SHISA6: variants seen among roughly 807,000 people sequenced by gnomAD.
SHISA6 encodes the protein shisa family member 6.
In SHISA6, 22 loss-of-function variants were observed where a neutral mutation model predicts 47.9. The observed-to-expected ratio is 0.46, with a 90% CI of 0.33 to 0.66. The LOEUF (loss-of-function observed/expected upper bound fraction) is 0.66. SHISA6 is among the 30% of genes least tolerant of loss of function. The probability of loss-of-function intolerance (pLI) is 0.02; values close to 1 mark genes in which losing one functional copy is unlikely to be tolerated. For synonymous variants in SHISA6, 388 were observed against 337.8 expected, an observed-to-expected ratio of 1.15 and a Z score of -1.63; for missense variants, 680 against 764.6, an observed-to-expected ratio of 0.89 and a Z score of 1.30.
intron 2 of SHISA6, among the ~76,000 whole-genome samples, chr17:11,355,818 C>T (rs12325708): frequency 0.035 from 5,359 of 152,208 alleles, 289 homozygotes; most frequent in African/African-American, 0.11. Flanking sequence ...GGGGGAATGC[C>T]GAGAATCATC....
chr17:11,413,014 G>A (rs117584113), intron 3 of SHISA6, among the ~76,000 whole-genome samples: 4 of 152,220 alleles, frequency 2.6e-5, no homozygotes, highest in Non-Finnish European at 4.4e-5. Flanking sequence ...GGGGATTACT[G>A]GGGGAAAGGC....
chr17:11,487,217 A>C (rs1481752671), intron 3 of SHISA6, among the ~76,000 whole-genome samples: 2 of 152,200 alleles, frequency 1.3e-5, no homozygotes, highest in African/African-American at 2.4e-5. Context: ...AGGGGCATCA[A>C]GAGCCATGGC....
chr17:11,411,495 C>A (rs1914117175), intron 3 of SHISA6, among the ~76,000 whole-genome samples: 1 of 152,156 alleles, frequency 6.6e-6, no homozygotes, highest in Non-Finnish European at 1.5e-5. Context: ...CTCCCAGGTT[C>A]AAGCGATTCT....
chr17:11,511,390 C>G (rs1410456546), intron 3 of SHISA6, among the ~76,000 whole-genome samples: 1 of 152,062 alleles, frequency 6.6e-6, no homozygotes, highest in East Asian at 1.9e-4. Flanking sequence ...CACCATGGCA[C>G]ATGTATACCT....
At chr17:11,431,856 G>A (rs1024553627) in intron 3 of SHISA6, among the ~76,000 whole-genome samples, 2 of 152,144 alleles carry the variant, frequency 1.3e-5, no homozygotes, top group African/African-American at 4.8e-5. Flanking sequence ...CTGTGTTTTG[G>A]CTTCCACCTA....
chr17:11,377,969 A>C (rs1368359217), intron 2 of SHISA6, among the ~76,000 whole-genome samples: 2 of 152,222 alleles, frequency 1.3e-5, no homozygotes, highest in African/African-American at 4.8e-5. Flanking sequence ...AACATGTGCT[A>C]AGGTGGTTTG....
At position 11,360,411 on chromosome 17, in the gene SHISA6, T is replaced by C. The variant is rs547591936; in HGVS notation, c.800-19003T>C. On this transcript the variant is annotated intron_variant, in intron 2 of 5. Coordinates refer to ENST00000441885, the MANE Select transcript of SHISA6 (RefSeq NM_207386.4). ...TGTCTCTACTACAAAAATACAAAAA[T>C]TAGCTGGGCGTGGTGGCAGGCATCT... Among the ~76,000 whole-genome samples, 9 of 151,932 alleles carry C rather than the reference T, an allele frequency of 5.9e-5. No homozygotes were observed. The South Asian group carries it at 1.9e-3, about 32-fold the overall frequency.
chr17:11,347,445 T>C (rs1233147220), intron 2 of SHISA6, among the ~76,000 whole-genome samples: 1 of 152,184 alleles, frequency 6.6e-6, no homozygotes, highest in African/African-American at 2.4e-5. Flanking sequence ...GAGAGAACCT[T>C]TTCAATTATA....
chr17:11,283,561 A>G (rs942506395), intron 2 of SHISA6, among the ~76,000 whole-genome samples: 1 of 152,248 alleles, frequency 6.6e-6, no homozygotes, highest in Non-Finnish European at 1.5e-5. Context: ...TTGAATCTGA[A>G]TTAAGGAAAA....
rs545683192 is a variant in SHISA6 at position 11,512,697 on chromosome 17, A to G, written c.896-39199A>G. ...ATAATCCTATCACTCAAAAATAACCATTTATTATATATCCTTCTAGATTAT... is the reference window on the plus strand; with the variant it reads ...ATAATCCTATCACTCAAAAATAACCGTTTATTATATATCCTTCTAGATTAT... On this transcript the variant is annotated intron_variant, in intron 3 of 5. Coordinates refer to ENST00000441885, the MANE Select transcript of SHISA6 (RefSeq NM_207386.4). Among the ~76,000 whole-genome samples the G allele has an allele frequency of 3.5e-4, 53 of 152,302 alleles. No homozygotes were observed. The Middle Eastern group carries it at 0.014, about 39-fold the overall frequency.
At chr17:11,317,964 T>C (rs1910580227) in intron 2 of SHISA6, among the ~76,000 whole-genome samples, 1 of 152,192 alleles carries the variant, frequency 6.6e-6, no homozygotes, top group African/African-American at 2.4e-5. Context: ...ATCTAACCTG[T>C]CCCTGCCACT....
intron 2 of SHISA6, among the ~76,000 whole-genome samples, chr17:11,377,606 A>AC (rs1912848578): frequency 6.6e-6 from 1 of 152,162 alleles, no homozygotes; most frequent in Non-Finnish European, 1.5e-5. Context: ...CAGGTTTGAG[A>AC]TCTGGGGTAA....
chr17:11,515,933 C>T (rs929715993), intron 3 of SHISA6, among the ~76,000 whole-genome samples: 1 of 152,150 alleles, frequency 6.6e-6, no homozygotes, highest in Non-Finnish European at 1.5e-5. Context: ...GCTTCCCTCG[C>T]CCACAGTTCT....
chr17:11,292,553 A>C (rs560496188), intron 2 of SHISA6, among the ~76,000 whole-genome samples: 9 of 152,256 alleles, frequency 5.9e-5, no homozygotes, highest in African/African-American at 2.2e-4. Context: ...TTGAGATCTC[A>C]GTAACCTAGC....
At chr17:11,264,598 G>T (rs2142147395) in intron 2 of SHISA6, among the ~76,000 whole-genome samples, 1 of 152,270 alleles carries the variant, frequency 6.6e-6, no homozygotes, top group Non-Finnish European at 1.5e-5. Flanking sequence ...TTACTTTGAT[G>T]CTTGGATCTG....
intron 2 of SHISA6, among the ~76,000 whole-genome samples, chr17:11,333,337 T>G (rs1337054813): frequency 6.6e-6 from 1 of 152,110 alleles, no homozygotes; most frequent in Non-Finnish European, 1.5e-5. Flanking sequence ...ATAGGAGCCC[T>G]TAGATAGCTC....
intron 1 of SHISA6, among the ~76,000 whole-genome samples, chr17:11,249,825 T>C (rs1344969118): frequency 6.6e-6 from 1 of 152,162 alleles, no homozygotes; most frequent in East Asian, 1.9e-4. Flanking sequence ...CAAGAGTGCC[T>C]CCAGTAATGA....
At chr17:11,283,137 G>A (rs1181874671) in intron 2 of SHISA6, among the ~76,000 whole-genome samples, 4 of 152,154 alleles carry the variant, frequency 2.6e-5, no homozygotes, top group Admixed American at 6.5e-5. Flanking sequence ...TCTATTAAGT[G>A]TGCCCACATG....
intron 2 of SHISA6, among the ~76,000 whole-genome samples, chr17:11,370,937 G>A (rs1912613526): frequency 6.6e-6 from 1 of 152,254 alleles, no homozygotes; most frequent in African/African-American, 2.4e-5. Flanking sequence ...GTTTCCGCCA[G>A]CAGCAGTGTA....
Sources: gnomAD v4.1 joint callset for allele counts (sites outside exome capture counted in the v4.1 genomes callset) on GRCh38, gnomAD v4.1.1 for gene constraint, MANE v1.5 for transcripts, NCBI Gene and HGNC (gene_info 2026-07-23, HGNC 2026-07-21) for gene names.